The following INCENP variants were observed in gnomAD, a reference collection of about 807,000 sequenced individuals.
INCENP encodes the protein inner centromere protein.
In INCENP, 43 loss-of-function variants were observed where a neutral mutation model predicts 107.3. That is an observed-to-expected ratio of 0.40 (90% CI 0.31 to 0.52). The LOEUF is 0.52. INCENP is among the 20% of genes least tolerant of loss of function. INCENP has a pLI of 0.53. For missense variants in INCENP, 1,089 were observed against 1,250.9 expected (o/e 0.87, Z 1.95); for synonymous variants, 488 against 494.4 (o/e 0.99, Z 0.17).
intron 15 of INCENP, among the ~76,000 whole-genome samples, chr11:62,148,191 G>A (rs1373589662): frequency 6.6e-6 from 1 of 152,178 alleles, no homozygotes; most frequent in Non-Finnish European, 1.5e-5. Context: ...ATGTGTTATG[G>A]TCTCCATTGT....
rs3842270 is a variant in INCENP, at chr11:62,127,971, TA to T, written c.-11-179del. Among the ~76,000 whole-genome samples, 64,845 of 150,782 alleles carry T rather than the reference TA, an allele frequency of 0.43. 15,167 individuals are homozygous for T. Among genetic ancestry groups the T allele is most frequent in the East Asian group, 0.89 (4,580 of 5,152 alleles). ...GGGCTTCTCTTTGTAGAGATGAGGCTAGGGGATGAGTGTTTGGAATTCTGCA... is the reference window on the plus strand; with the variant it reads ...GGGCTTCTCTTTGTAGAGATGAGGCTGGGGATGAGTGTTTGGAATTCTGCA... On this transcript the variant is annotated intron_variant, in intron 1 of 18. Coordinates refer to ENST00000394818, the MANE Select transcript of INCENP (RefSeq NM_001040694.2).
In INCENP at chr11:62,140,269, C is replaced by T; in HGVS notation, c.1327C>T (p.Pro443Ser). Residue 443 changes from proline (P) to serine (S), a missense_variant, in exon 8 of 19, where the codon CCA (proline) becomes TCA (serine). Physicochemically the swap from Pro to Ser is moderately conservative, Grantham distance 74 (BLOSUM62 -1). Transcript: ENST00000394818. The part of the protein sequence containing the change: ...KTDQADGPRE[P>S]PQSARRKRSY... ...GGACCAAGCAGATGGACCCAGAGAG[C>T]CACCGCAGAGTGCCAGGTTTGCATC... 2 of 1,613,542 alleles carry T rather than the reference C, an allele frequency of 1.2e-6. No individual in the cohort carries two copies. Among genetic ancestry groups the T allele is most frequent in the Non-Finnish European group, 1.7e-6 (2 of 1,179,758 alleles).
chr11:62,146,747 G>T lies in INCENP; in HGVS notation c.2049G>T (p.Arg683=), dbSNP rs372290264. ...TGCGGAAGGCGGCCGAGGCTAAGCG[G>T]CTGGCAGAGCAGCGGGAGCAGGAGC... The part of the protein sequence containing the change: ...ERLRKAAEAK[R]LAEQREQERR... The change falls in exon 15 of 19, where the codon CGG becomes CGT. Residue 683 remains arginine, a synonymous_variant. Coordinates refer to ENST00000394818, the MANE Select transcript of INCENP (RefSeq NM_001040694.2). The T allele has an allele frequency of 5.7e-4, 887 of 1,549,586 alleles. No individual in the cohort carries two copies. Among genetic ancestry groups the T allele is most frequent in the Non-Finnish European group, 7.1e-4 (815 of 1,146,470 alleles).
At chr11:62,125,956 T>A (rs1007658985) in intron 1 of INCENP, among the ~76,000 whole-genome samples, 5 of 152,074 alleles carry the variant, frequency 3.3e-5, no homozygotes, top group African/African-American at 1.2e-4. Context: ...GGTTTTCAGG[T>A]TTTCCTGAGG....
Position 62,124,136 on chromosome 11 carries a change from C to T in INCENP, c.-39C>T, listed in dbSNP as rs1943700414. 1 of 152,292 alleles carries T rather than the reference C, an allele frequency of 6.6e-6. No homozygotes were observed. The highest frequency in any genetic ancestry group is 2.4e-5 in the African/African-American group (1 of 41,462). The allele number at this position is 152,292 out of a possible 1,614,324, so 9.4% of individuals were successfully genotyped here. A position where few individuals can be genotyped will look rare whatever the true frequency, so the allele number is the denominator to read the frequency against. The stretch of plus-strand genomic sequence containing the variant: ...GGATACCACCGGACTTGGATCGGAG[C>T]AGCCTTCAGGGGACGTGGCGCAGTC... On this transcript the variant is annotated 5_prime_UTR_variant, in exon 1 of 19. Coordinates refer to ENST00000394818, the MANE Select transcript of INCENP (RefSeq NM_001040694.2).
intron 16 of INCENP, 81 bp from the exon 17 acceptor site, chr11:62,148,658 G>A: frequency 7.2e-7 from 1 of 1,390,128 alleles, no homozygotes; most frequent in Non-Finnish European, 9.9e-7. Flanking sequence ...GGAAAGGGAG[G>A]AGAATGGAGC....
At chr11:62,148,326 G>A in intron 15 of INCENP, 150 bp from the exon 16 acceptor site, 1 of 688,616 alleles carries the variant, frequency 1.5e-6, no homozygotes, top group East Asian at 2.8e-5. Context: ...CAAAAGCGCA[G>A]CTCTTGGCTC....
intron 14 of INCENP, 86 bp from the exon 15 acceptor site, chr11:62,146,572 C>T: frequency 2.0e-6 from 3 of 1,516,968 alleles, no homozygotes; most frequent in South Asian, 2.6e-5. Flanking sequence ...ATATGAGGGG[C>T]ACCTGGGCTT....
intron 11 of INCENP, 44 bp downstream of exon 11, chr11:62,141,555 A>G (rs1299354602): frequency 6.2e-7 from 1 of 1,612,626 alleles, no homozygotes; most frequent in South Asian, 1.1e-5. Flanking sequence ...CCCACCTAGC[A>G]CTCACCCGCT....
At chr11:62,137,647 C>T (rs1304479770) in intron 4 of INCENP, among the ~76,000 whole-genome samples, 185 bp from the exon 5 acceptor site, 2 of 152,114 alleles carry the variant, frequency 1.3e-5, no homozygotes, top group African/African-American at 4.8e-5. Context: ...GGACATGAAG[C>T]CAGCAGCTCC....
chr11:62,136,369 C>G (rs1196779822), intron 4 of INCENP, among the ~76,000 whole-genome samples: 2 of 152,084 alleles, frequency 1.3e-5, no homozygotes, highest in Non-Finnish European at 2.9e-5. Context: ...ATGGCATGTA[C>G]TTGAGTTTAG....
intron 7 of INCENP, 82 bp downstream of exon 7, chr11:62,139,087 A>G: frequency 1.1e-6 from 1 of 947,358 alleles, no homozygotes; most frequent in Non-Finnish European, 1.7e-6. Context: ...CTCTCTGGGG[A>G]TAAGGAAGCC....
At chr11:62,144,936 G>T (rs1944205048) in intron 11 of INCENP, 46 bp from the exon 12 acceptor site, 3 of 1,532,708 alleles carry the variant, frequency 2.0e-6, no homozygotes, top group Admixed American at 1.9e-5. Flanking sequence ...TGGGTGGGGG[G>T]TCGTCCTTGC....
chr11:62,150,122 A>C lies in INCENP; in HGVS notation c.2457A>C (p.Pro819=), dbSNP rs773583741. The part of the protein sequence containing the change: ...QGHRAPPKIN[P]DNYGMDLNSD... ...ACAGGGCCCCTCCCAAGATCAACCC[A>C]GATAACTACGGGATGGATCTGAATA... Residue 819 remains proline (P), a synonymous_variant, in exon 18 of 19, where the codon CCA becomes CCC. Transcript: ENST00000394818. 4 of 1,614,038 alleles carry C rather than the reference A, an allele frequency of 2.5e-6. No individual in the cohort carries two copies. In the Admixed American group the frequency reaches 6.7e-5, roughly 27 times the overall value.
chr11:62,150,847 G>A (rs938308380), intron 18 of INCENP, among the ~76,000 whole-genome samples: 8 of 152,192 alleles, frequency 5.3e-5, no homozygotes, highest in African/African-American at 1.9e-4. Context: ...TACCATGGGT[G>A]CCTTGCAGTG....
At chr11:62,126,572 G>A (rs191921280) in intron 1 of INCENP, among the ~76,000 whole-genome samples, 2 of 152,224 alleles carry the variant, frequency 1.3e-5, no homozygotes, top group Non-Finnish European at 2.9e-5. Context: ...TGTTGTTATG[G>A]CTTATGACCA....
Position 62,129,903 on chromosome 11 carries a change from C to G in INCENP, c.376C>G (p.Arg126Gly). ...CGGCTCCGTCCTGCGGCGTGTGACC[C>G]GTGCTGCGGCTGCAGCTGCCGCGGC... ...ENGSVLRRVTRAAAAAAAATM... is the reference protein window; with the variant it reads ...ENGSVLRRVTGAAAAAAAATM... The change falls in exon 4 of 19, where the codon CGT becomes GGT. Residue 126 changes from arginine to glycine, a missense_variant. Physicochemically the swap from Arg to Gly is moderately radical, Grantham distance 125 (BLOSUM62 -2). Coordinates refer to ENST00000394818, the MANE Select transcript of INCENP (RefSeq NM_001040694.2). 2.5e-6 allele frequency: 4 copies of G among 1,613,620 alleles called. No homozygotes were observed. Among genetic ancestry groups the G allele is most frequent in the Non-Finnish European group, 2.5e-6 (3 of 1,180,012 alleles).
At chr11:62,141,606 A>G (rs971586510) in intron 11 of INCENP, 95 bp downstream of exon 11, 7 of 1,475,892 alleles carry the variant, frequency 4.7e-6, no homozygotes, top group African/African-American at 2.8e-5. Flanking sequence ...CTGTAGATGC[A>G]CTAACATTGT....
At chr11:62,135,456 G>T (rs961345220) in intron 4 of INCENP, among the ~76,000 whole-genome samples, 1 of 151,962 alleles carries the variant, frequency 6.6e-6, no homozygotes, top group Non-Finnish European at 1.5e-5. Context: ...GTAGAGACGG[G>T]GTTTCACCAT....
Sources: allele counts gnomAD v4.1 joint callset (sites outside exome capture counted in the v4.1 genomes callset), GRCh38; gene constraint gnomAD v4.1.1; transcripts MANE v1.5; gene names NCBI Gene and HGNC (gene_info 2026-07-23, HGNC 2026-07-21).